Variants in ROCK1 observed in about 807,000 individuals in gnomAD.
ROCK1 encodes rho-associated protein kinase 1.
A neutral mutation model predicts 196.8 loss-of-function variants in ROCK1; 36 were observed. The ratio of observed to expected loss-of-function variants is 0.18; its 90% confidence interval spans 0.14 to 0.24. The LOEUF (loss-of-function observed/expected upper bound fraction) is 0.24, where lower values mean the gene tolerates loss of function less well. ROCK1 is among the 10% of genes least tolerant of loss of function. The probability of loss-of-function intolerance (pLI) is 1.00; values close to 1 mark genes in which losing one functional copy is unlikely to be tolerated. For synonymous variants in ROCK1, 443 were observed against 515.9 expected (o/e 0.86, Z 1.91); for missense variants, 920 against 1,562.0 (o/e 0.59, Z 6.93).
chr18:20,958,949 T>C (rs1598507138), intron 29 of ROCK1, among the ~76,000 whole-genome samples: 1 of 97,676 alleles, frequency 1.0e-5, no homozygotes, highest in Non-Finnish European at 1.9e-5. Context: ...AAAAATAATA[T>C]ATATATTTTA....
intron 1 of ROCK1, among the ~76,000 whole-genome samples, chr18:21,089,865 G>T (rs367587252): frequency 1.3e-5 from 2 of 152,184 alleles, no homozygotes; most frequent in South Asian, 4.1e-4. Flanking sequence ...TCATAAAGTG[G>T]AAAAATCATA....
At chr18:21,014,335 G>A (rs991363214) in intron 13 of ROCK1, among the ~76,000 whole-genome samples, 5 of 152,128 alleles carry the variant, frequency 3.3e-5, no homozygotes, top group Non-Finnish European at 7.4e-5. Flanking sequence ...AAGTAACCCA[G>A]GTTGGTCTGC....
chr18:21,037,287 A>G (rs564198205), intron 9 of ROCK1, among the ~76,000 whole-genome samples: 3 of 152,308 alleles, frequency 2.0e-5, no homozygotes, highest in East Asian at 3.8e-4. Context: ...CTGCTCCCAC[A>G]TTACCAAGGA....
chr18:21,065,961 G>A (rs192145521), intron 2 of ROCK1, among the ~76,000 whole-genome samples: 14 of 152,178 alleles, frequency 9.2e-5, no homozygotes, highest in Admixed American at 1.3e-4. Context: ...AATTTAATAT[G>A]ACTTAAGCTG....
intron 1 of ROCK1, among the ~76,000 whole-genome samples, chr18:21,071,903 T>C (rs1201045984): frequency 2.0e-5 from 3 of 152,244 alleles, no homozygotes; most frequent in Non-Finnish European, 4.4e-5. Flanking sequence ...ATAACAGATT[T>C]GTGAGAATTA....
At chr18:20,970,213 C>G in intron 23 of ROCK1, 135 bp downstream of exon 23, 2 of 587,034 alleles carry the variant, frequency 3.4e-6, no homozygotes, top group Non-Finnish European at 5.8e-6. Flanking sequence ...CTATTTTATA[C>G]ATGAGTACAG....
intron 1 of ROCK1, among the ~76,000 whole-genome samples, chr18:21,098,362 A>G (rs1189870188): frequency 6.6e-6 from 1 of 152,024 alleles, no homozygotes; most frequent in Non-Finnish European, 1.5e-5. Context: ...GTGGAGATAA[A>G]CAGATAGCCA....
At chr18:21,086,084 T>C (rs2036524508) in intron 1 of ROCK1, among the ~76,000 whole-genome samples, 1 of 151,058 alleles carries the variant, frequency 6.6e-6, no homozygotes, top group Non-Finnish European at 1.5e-5. Flanking sequence ...TGTCATACAT[T>C]CTTTGGTTAG....
At chr18:21,016,622 AACTT>A (rs988607557) in intron 12 of ROCK1, among the ~76,000 whole-genome samples, 4 of 151,986 alleles carry the variant, frequency 2.6e-5, no homozygotes, top group East Asian at 1.9e-4. Context: ...TCCAAAATAG[AACTT>A]ACTGCCTCTG....
intron 1 of ROCK1, among the ~76,000 whole-genome samples, chr18:21,085,429 G>C (rs188954422): frequency 2.5e-4 from 38 of 150,330 alleles, no homozygotes; most frequent in Admixed American, 2.1e-3. Flanking sequence ...AGAATGCTTC[G>C]TTAGAGGAGA....
At chr18:20,994,824 G>A (rs1449717854) in intron 16 of ROCK1, among the ~76,000 whole-genome samples, 2 of 152,106 alleles carry the variant, frequency 1.3e-5, no homozygotes, top group Non-Finnish European at 2.9e-5. Context: ...TGCAATACAC[G>A]AAAGCAAAGA....
intron 3 of ROCK1, among the ~76,000 whole-genome samples, chr18:21,049,575 T>C (rs1336999371): frequency 1.3e-5 from 2 of 152,222 alleles, no homozygotes; most frequent in African/African-American, 2.4e-5. Context: ...CTGACACTTC[T>C]TTTCTGCCAC....
intron 16 of ROCK1, among the ~76,000 whole-genome samples, chr18:21,001,773 AAAAAG>A (rs1190204420): frequency 2.6e-5 from 4 of 152,042 alleles, no homozygotes; most frequent in African/African-American, 9.7e-5. Flanking sequence ...TCAAAAAAAA[AAAAAG>A]AAAAGAAATA....
chr18:21,092,379 C>CTGG (rs1222255965), intron 1 of ROCK1, among the ~76,000 whole-genome samples: 1 of 151,834 alleles, frequency 6.6e-6, no homozygotes, highest in African/African-American at 2.4e-5. Flanking sequence ...CCCAGGAGTT[C>CTGG]AAGACCAGGC....
chr18:20,956,873 G>GA (rs1237625736), intron 29 of ROCK1, among the ~76,000 whole-genome samples: 1 of 151,898 alleles, frequency 6.6e-6, no homozygotes, highest in Non-Finnish European at 1.5e-5. Flanking sequence ...CAAAAGACTT[G>GA]AAAAAAGAAA....
intron 16 of ROCK1, among the ~76,000 whole-genome samples, chr18:20,993,237 TC>T (rs59437748): frequency 0.01 from 1,560 of 152,278 alleles, 31 homozygotes; most frequent in African/African-American, 0.035. Flanking sequence ...GGAGTCTCGC[TC>T]TGTTGCCCAG....
chr18:21,063,249 T>TG (rs202215007), intron 2 of ROCK1, among the ~76,000 whole-genome samples: 1 of 152,048 alleles, frequency 6.6e-6, no homozygotes, highest in Non-Finnish European at 1.5e-5. Flanking sequence ...TGAGTTTTGG[T>TG]GGGGGCATTC....
At chr18:21,083,916 G>A (rs2143573974) in intron 1 of ROCK1, among the ~76,000 whole-genome samples, 1 of 152,190 alleles carries the variant, frequency 6.6e-6, no homozygotes, top group South Asian at 2.1e-4. Context: ...TCCCCATGTT[G>A]TTCAAGGGTC....
intron 1 of ROCK1, among the ~76,000 whole-genome samples, chr18:21,086,061 A>G (rs571679117): frequency 3.0e-3 from 457 of 152,110 alleles, no homozygotes; most frequent in Middle Eastern, 6.8e-3. Context: ...TATTTTGGGG[A>G]AAAATAAATA....
Sources: gnomAD v4.1 joint callset for allele counts (sites outside exome capture counted in the v4.1 genomes callset) on GRCh38, gnomAD v4.1.1 for gene constraint, MANE v1.5 for transcripts, NCBI Gene and HGNC (gene_info 2026-07-23, HGNC 2026-07-21) for gene names.